PIP4P2: variants seen among roughly 807,000 people sequenced by gnomAD.
PIP4P2 encodes type 2 phosphatidylinositol 4,5-bisphosphate 4-phosphatase.
In PIP4P2, 19 loss-of-function variants were observed where a neutral mutation model predicts 33.3. The observed-to-expected ratio is 0.57, with a 90% CI of 0.40 to 0.84. PIP4P2 has a LOEUF of 0.84. Among genes scored for constraint, PIP4P2 ranks in the 40% least tolerant of loss-of-function variants. The probability of loss-of-function intolerance (pLI) is 0.00; values close to 1 mark genes in which losing one functional copy is unlikely to be tolerated. For synonymous variants in PIP4P2, 110 were observed against 111.9 expected (o/e 0.98, Z 0.11); for missense variants, 270 against 324.7 (o/e 0.83, Z 1.29).
chr8:91,034,728 A>C (rs1405480319), intron 1 of PIP4P2, among the ~76,000 whole-genome samples: 1 of 152,184 alleles, frequency 6.6e-6, no homozygotes, highest in Non-Finnish European at 1.5e-5. Flanking sequence ...GTAAAGTGAG[A>C]ATTTAATCTA....
intron 1 of PIP4P2, among the ~76,000 whole-genome samples, chr8:91,038,525 T>A (rs1315641669): frequency 6.6e-6 from 1 of 152,192 alleles, no homozygotes; most frequent in Non-Finnish European, 1.5e-5. Context: ...TTATTTATTC[T>A]TTCTCCCTAA....
chr8:91,014,553 A>G (rs1811886279), intron 4 of PIP4P2, among the ~76,000 whole-genome samples: 1 of 152,122 alleles, frequency 6.6e-6, no homozygotes, highest in Admixed American at 6.6e-5. Context: ...TTTAATTCAT[A>G]GAAGCAGAGA....
At chr8:91,033,563 C>A (rs894056340) in intron 1 of PIP4P2, among the ~76,000 whole-genome samples, 3 of 152,128 alleles carry the variant, frequency 2.0e-5, no homozygotes, top group Non-Finnish European at 4.4e-5. Flanking sequence ...CACATGCCAA[C>A]CAAGGGTGAT....
intron 4 of PIP4P2, among the ~76,000 whole-genome samples, chr8:91,010,526 C>T (rs1035426633): frequency 1.3e-5 from 2 of 151,870 alleles, no homozygotes; most frequent in African/African-American, 4.8e-5. Context: ...ACAGTAGGGA[C>T]TTTATTCTGT....
In PIP4P2 at chr8:91,040,827, TCTGCTGCCGCTGCTGCCGCTGCAGCTG is replaced by T; in HGVS notation, c.-105_-79del. On this transcript the variant is annotated 5_prime_UTR_variant, in exon 1 of 7. Coordinates refer to ENST00000285419, the MANE Select transcript of PIP4P2 (RefSeq NM_018710.3). ...CGGAGTGGTGGCTACTGCTGCTGCC[TCTGCTGCCGCTGCTGCCGCTGCAGCTG>T]CTGCTGCTGCCGCCTCCGGGAGGGC... 7.5e-7 allele frequency: 1 copy of T among 1,332,752 alleles called. No homozygotes were observed. Among genetic ancestry groups the T allele is most frequent in the Non-Finnish European group, 1.0e-6 (1 of 956,822 alleles). The allele number at this position is 1,332,752 out of a possible 1,614,324, so 82.6% of individuals were successfully genotyped here. A position where few individuals can be genotyped will look rare whatever the true frequency, so the allele number is the denominator to read the frequency against.
intron 2 of PIP4P2, 22 bp downstream of exon 2, chr8:91,021,234 T>G (rs1396529781): frequency 6.2e-7 from 1 of 1,610,994 alleles, no homozygotes; most frequent in Admixed American, 1.7e-5. Flanking sequence ...TTATATTTTT[T>G]CTAATGGAAA....
chr8:91,014,841 G>C (rs1339859693), intron 4 of PIP4P2, among the ~76,000 whole-genome samples: 1 of 149,968 alleles, frequency 6.7e-6, no homozygotes, highest in African/African-American at 2.5e-5. Context: ...CTTGATTGTG[G>C]TAATCATTTC....
intron 5 of PIP4P2, among the ~76,000 whole-genome samples, chr8:90,998,831 C>T (rs1811663861): frequency 6.6e-6 from 1 of 151,916 alleles, no homozygotes; most frequent in Non-Finnish European, 1.5e-5. Context: ...TGGAGGACAA[C>T]CTAGGCAATG....
intron 4 of PIP4P2, among the ~76,000 whole-genome samples, chr8:91,012,970 G>T (rs1184348747): frequency 2.0e-5 from 3 of 152,050 alleles, no homozygotes; most frequent in South Asian, 2.1e-4. Context: ...CTGTCTTTTT[G>T]ATTGTTCTTT....
intron 5 of PIP4P2, among the ~76,000 whole-genome samples, chr8:90,999,306 A>G (rs904438604): frequency 6.6e-6 from 1 of 152,030 alleles, no homozygotes; most frequent in African/African-American, 2.4e-5. Flanking sequence ...CGTAACATTC[A>G]GAAATTCAGA....
At chr8:91,025,721 A>G (rs996745110) in intron 1 of PIP4P2, among the ~76,000 whole-genome samples, 3 of 152,250 alleles carry the variant, frequency 2.0e-5, no homozygotes, top group Non-Finnish European at 4.4e-5. Flanking sequence ...AAAGTATAAA[A>G]GAGCAGCCTT....
rs574337787 is a variant in PIP4P2 at position 90,994,747 on chromosome 8, A to G, written c.*930T>C. On this transcript the variant is annotated 3_prime_UTR_variant, in exon 7 of 7. Coordinates refer to ENST00000285419, the MANE Select transcript of PIP4P2 (RefSeq NM_018710.3). ...AAAATGTCATAAGCTTCCTTCAAAT[A>G]TAAGTAGTACATAATTACCTCAATA... 1 of 152,270 alleles carries G rather than the reference A, an allele frequency of 6.6e-6. No individual in the cohort carries two copies. The highest frequency in any genetic ancestry group is 2.4e-5 in the African/African-American group (1 of 41,576). 9.4% of individuals were successfully genotyped at this position (152,270 alleles called of 1,614,324 possible).
intron 1 of PIP4P2, among the ~76,000 whole-genome samples, chr8:91,025,770 G>C (rs775837454): frequency 3.3e-5 from 5 of 152,122 alleles, no homozygotes; most frequent in Admixed American, 1.3e-4. Context: ...AATTTTCATT[G>C]CAAGTATTCA....
At chr8:91,027,071 C>T (rs972634291) in intron 1 of PIP4P2, among the ~76,000 whole-genome samples, 3 of 152,190 alleles carry the variant, frequency 2.0e-5, no homozygotes, top group African/African-American at 7.2e-5. Context: ...AAAAGTATCA[C>T]TTATTTCTAA....
intron 5 of PIP4P2, among the ~76,000 whole-genome samples, chr8:91,007,738 T>G (rs1811781394): frequency 6.6e-6 from 1 of 152,218 alleles, no homozygotes. Flanking sequence ...AATTTAGATT[T>G]GGGGAGAATT....
chr8:91,012,049 A>C (rs1216276370), intron 4 of PIP4P2, among the ~76,000 whole-genome samples: 1 of 151,932 alleles, frequency 6.6e-6, no homozygotes, highest in Non-Finnish European at 1.5e-5. Flanking sequence ...TTATTTCAGG[A>C]AAAGCATTTC....
chr8:91,010,619 A>G (rs1488772482), intron 4 of PIP4P2, among the ~76,000 whole-genome samples: 1 of 151,926 alleles, frequency 6.6e-6, no homozygotes, highest in Admixed American at 6.6e-5. Context: ...GAGCAAACTA[A>G]TAACAAAAAG....
chr8:91,019,412 AAAAAAAAAAAAAT>A (rs1811968380), intron 3 of PIP4P2, among the ~76,000 whole-genome samples: 1 of 144,704 alleles, frequency 6.9e-6, no homozygotes, highest in Non-Finnish European at 1.5e-5. Context: ...AAAAAAAAAA[AAAAAAAAAAAAAT>A]ATATTACCTG....
intron 5 of PIP4P2, among the ~76,000 whole-genome samples, chr8:91,000,367 T>C (rs746454803): frequency 1.3e-5 from 2 of 151,182 alleles, no homozygotes; most frequent in Non-Finnish European, 3.0e-5. Flanking sequence ...TTCTGGAATA[T>C]TTGTTCATAT....
Sources: allele counts gnomAD v4.1 joint callset (sites outside exome capture counted in the v4.1 genomes callset), GRCh38; gene constraint gnomAD v4.1.1; transcripts MANE v1.5; gene names NCBI Gene and HGNC (gene_info 2026-07-23, HGNC 2026-07-21).